The following CHRM2 variants were observed in gnomAD, a reference collection of about 807,000 sequenced individuals.
The protein encoded by CHRM2 is cholinergic receptor muscarinic 2, also known as muscarinic acetylcholine receptor M2.
Under a neutral mutation model 25.0 loss-of-function variants are expected in CHRM2, and 8 were observed. The observed-to-expected ratio is 0.32, with a 90% CI of 0.19 to 0.58. The LOEUF (loss-of-function observed/expected upper bound fraction) is 0.58, where lower values mean the gene tolerates loss of function less well. CHRM2 is among the 20% of genes least tolerant of loss of function. CHRM2 has a pLI of 0.88. For synonymous variants in CHRM2, 202 were observed against 205.7 expected, an observed-to-expected ratio of 0.98 and a Z score of 0.15; for missense variants, 440 against 567.1, an observed-to-expected ratio of 0.78 and a Z score of 2.28.
At chr7:136,931,258 CT>C (rs1230214453) in intron 2 of CHRM2, among the ~76,000 whole-genome samples, 1 of 152,138 alleles carries the variant, frequency 6.6e-6, no homozygotes, top group South Asian at 2.1e-4. Flanking sequence ...GGTGAAACTA[CT>C]TTGGGCACAA....
intron 2 of CHRM2, among the ~76,000 whole-genome samples, chr7:136,900,849 C>T (rs913869033): frequency 2.0e-5 from 3 of 151,894 alleles, no homozygotes; most frequent in Non-Finnish European, 4.4e-5. Flanking sequence ...CACAGAGAAG[C>T]AGACAGTGGC....
intron 2 of CHRM2, among the ~76,000 whole-genome samples, chr7:136,914,917 T>C (rs1258979124): frequency 2.6e-5 from 4 of 151,932 alleles, no homozygotes; most frequent in Admixed American, 1.3e-4. Flanking sequence ...AAGAAGGGCA[T>C]TGGTTCTTTT....
intron 2 of CHRM2, among the ~76,000 whole-genome samples, chr7:136,894,943 T>C (rs1233484576): frequency 6.6e-6 from 1 of 152,068 alleles, no homozygotes; most frequent in Non-Finnish European, 1.5e-5. Context: ...TCAGCTTGCT[T>C]AAGAGGTTTT....
At chr7:136,892,159 T>C (rs1356216448) in intron 2 of CHRM2, among the ~76,000 whole-genome samples, 2 of 152,246 alleles carry the variant, frequency 1.3e-5, no homozygotes, top group Non-Finnish European at 2.9e-5. Flanking sequence ...ATACTTATGA[T>C]GATAATTTCT....
At position 137,019,865 on chromosome 7, in the gene CHRM2, G is replaced by A. The variant is rs1414907338; in HGVS notation, c.*3599G>A. On this transcript the variant is annotated 3_prime_UTR_variant, in exon 4 of 4. Transcript: ENST00000680005. ...GAAGATCTGACATTGGGAGAGATGG[G>A]AATTCAAAATGATGGCAACAATTAC... The A allele has an allele frequency of 6.6e-6, 1 of 151,818 alleles. No individual in the cohort carries two copies. The highest frequency in any genetic ancestry group is 1.9e-4 in the East Asian group (1 of 5,132). The allele number at this position is 151,818 out of a possible 1,614,324, so 9.4% of individuals were successfully genotyped here. A position where few individuals can be genotyped will look rare whatever the true frequency, so the allele number is the denominator to read the frequency against.
At chr7:136,908,783 T>C (rs1442289996) in intron 2 of CHRM2, among the ~76,000 whole-genome samples, 1 of 151,808 alleles carries the variant, frequency 6.6e-6, no homozygotes, top group Non-Finnish European at 1.5e-5. Context: ...AGCAAAAAAA[T>C]CTATTTTCAC....
intron 3 of CHRM2, among the ~76,000 whole-genome samples, chr7:137,014,140 G>A (rs529503290): frequency 6.6e-6 from 1 of 152,012 alleles, no homozygotes; most frequent in African/African-American, 2.4e-5. Context: ...CATTTAATAA[G>A]CAAATATTCT....
intron 2 of CHRM2, among the ~76,000 whole-genome samples, chr7:136,888,203 A>T (rs1324135626): frequency 6.6e-6 from 1 of 152,214 alleles, no homozygotes; most frequent in Non-Finnish European, 1.5e-5. Flanking sequence ...ATGCCCATCG[A>T]GTCGTAGCTT....
At chr7:137,003,350 T>C (rs1400408675) in intron 3 of CHRM2, among the ~76,000 whole-genome samples, 2 of 152,144 alleles carry the variant, frequency 1.3e-5, no homozygotes, top group African/African-American at 2.4e-5. Context: ...CCACTGATGC[T>C]TTATGAGAAA....
intron 2 of CHRM2, among the ~76,000 whole-genome samples, chr7:136,927,899 A>G (rs1798839583): frequency 6.6e-6 from 1 of 152,180 alleles, no homozygotes; most frequent in African/African-American, 2.4e-5. Flanking sequence ...CATGATATGG[A>G]CCCTGAAAAC....
chr7:136,986,885 T>C (rs1318881566), intron 2 of CHRM2, among the ~76,000 whole-genome samples: 1 of 152,194 alleles, frequency 6.6e-6, no homozygotes. Flanking sequence ...TACACCCTTC[T>C]TATAATGGAC....
chr7:136,956,235 A>G (rs1800716124), intron 2 of CHRM2, among the ~76,000 whole-genome samples: 1 of 152,224 alleles, frequency 6.6e-6, no homozygotes, highest in Non-Finnish European at 1.5e-5. Context: ...CATGGAATAT[A>G]AAATATGGAC....
At chr7:136,981,604 T>C (rs573931776) in intron 2 of CHRM2, among the ~76,000 whole-genome samples, 17 of 152,346 alleles carry the variant, frequency 1.1e-4, no homozygotes, top group African/African-American at 4.1e-4. Context: ...TAAATTTCCC[T>C]CTAAACACTG....
intron 2 of CHRM2, among the ~76,000 whole-genome samples, chr7:136,936,020 G>A (rs1799390462): frequency 6.6e-6 from 1 of 152,042 alleles, no homozygotes; most frequent in African/African-American, 2.4e-5. Flanking sequence ...TAATTTAAAT[G>A]TATATTGCAG....
chr7:136,946,884 C>T (rs1800102562), intron 2 of CHRM2, among the ~76,000 whole-genome samples: 1 of 152,106 alleles, frequency 6.6e-6, no homozygotes, highest in Non-Finnish European at 1.5e-5. Flanking sequence ...TCTGTGGGGC[C>T]CTTCTGGGTC....
rs768313319 is a variant in CHRM2 at position 136,969,710 on chromosome 7, A to G, written c.-124-22477A>G. On this transcript the variant is annotated intron_variant, in intron 2 of 3. Coordinates refer to ENST00000680005, the MANE Select transcript of CHRM2 (RefSeq NM_001006630.2). ...TCTGTTTTAGGCCTCCTCATTTTTC[A>G]TAGGTTAACATATACCTTCTCGGCA... Among the ~76,000 whole-genome samples, 7 of 152,140 alleles carry G rather than the reference A, an allele frequency of 4.6e-5. No homozygotes were observed. In the East Asian group the frequency reaches 1.4e-3, roughly 29 times the overall value.
intron 2 of CHRM2, among the ~76,000 whole-genome samples, chr7:136,977,310 T>C (rs1218146064): frequency 6.6e-6 from 1 of 152,212 alleles, no homozygotes; most frequent in Admixed American, 6.5e-5. Context: ...TTTCTCTGAT[T>C]TCCCCTAACT....
At chr7:136,879,463 T>C (rs1179221992) in intron 2 of CHRM2, among the ~76,000 whole-genome samples, 2 of 151,976 alleles carry the variant, frequency 1.3e-5, no homozygotes, top group Admixed American at 6.6e-5. Context: ...AACTAACCAT[T>C]TATTTGCATG....
At chr7:136,905,251 G>A (rs1028664017) in intron 2 of CHRM2, among the ~76,000 whole-genome samples, 2 of 151,560 alleles carry the variant, frequency 1.3e-5, no homozygotes, top group African/African-American at 4.8e-5. Flanking sequence ...GAGTTGTTTG[G>A]ATAACTGAAG....
Sources: allele counts gnomAD v4.1 joint callset (sites outside exome capture counted in the v4.1 genomes callset), GRCh38; gene constraint gnomAD v4.1.1; transcripts MANE v1.5; gene names NCBI Gene and HGNC (gene_info 2026-07-23, HGNC 2026-07-21).